PARVB: variants seen among roughly 807,000 people sequenced by gnomAD.
PARVB encodes beta-parvin.
In PARVB, 46 loss-of-function variants were observed where a neutral mutation model predicts 47.0. That is an observed-to-expected ratio of 0.98 (90% CI 0.77 to 1.25). The LOEUF is 1.25. PARVB is among the 50% of genes most tolerant of loss of function. The probability of loss-of-function intolerance (pLI) is 0.00; values close to 1 mark genes in which losing one functional copy is unlikely to be tolerated. For missense variants in PARVB, 473 were observed against 471.6 expected (o/e 1.00, Z -0.03); for synonymous variants, 196 against 196.3 (o/e 1.00, Z 0.01).
chr22:44,037,883 G>C (rs966192054), intron 1 of PARVB, among the ~76,000 whole-genome samples: 4 of 152,182 alleles, frequency 2.6e-5, no homozygotes, highest in Non-Finnish European at 5.9e-5. Context: ...AACCCTAGTG[G>C]CTTCATGCTA....
chr22:44,050,251 C>T (rs78253251), intron 1 of PARVB, among the ~76,000 whole-genome samples: 8,668 of 152,118 alleles, frequency 0.057, 842 homozygotes, highest in African/African-American at 0.2. Flanking sequence ...GATTGGCAAA[C>T]AGAATCCACA....
In PARVB at chr22:44,060,564, G is replaced by A. The variant is rs1033398012; in HGVS notation, c.113-33364G>A. 2.0e-5 allele frequency among the ~76,000 whole-genome samples: 3 copies of A among 152,050 alleles called. No individual in the cohort carries two copies. The South Asian group carries it at 6.2e-4, about 32-fold the overall frequency. ...GCTTAGGGTGAGTTATACCTGATGGGACTTAACTGGGTAAATGTCATCTAG... is the reference window on the plus strand; with the variant it reads ...GCTTAGGGTGAGTTATACCTGATGGAACTTAACTGGGTAAATGTCATCTAG... On this transcript the variant is annotated intron_variant, in intron 1 of 12. Transcript: ENST00000338758.
rs193250326 is a variant in PARVB at position 44,156,533 on chromosome 22, A to T, written c.844-1449A>T. ...ACCTTGTGATCCACCCACCTTGGCC[A>T]CCCAAAGTGCTAGGATTACAGGCGT... On this transcript the variant is annotated intron_variant, in intron 10 of 12. Transcript: ENST00000338758. 2.4e-3 allele frequency among the ~76,000 whole-genome samples: 365 copies of T among 152,052 alleles called. 1 individual carries two copies. Among genetic ancestry groups the T allele is most frequent in the African/African-American group, 8.2e-3 (342 of 41,504 alleles).
intron 1 of PARVB, among the ~76,000 whole-genome samples, chr22:44,065,871 G>GCA (rs1387857583): frequency 1.3e-5 from 2 of 152,016 alleles, no homozygotes; most frequent in African/African-American, 4.8e-5. Flanking sequence ...GTGTGTGTGT[G>GCA]TGTGTGTGTA....
chr22:44,087,562 A>T (rs929343401), intron 1 of PARVB, among the ~76,000 whole-genome samples: 1 of 152,206 alleles, frequency 6.6e-6, no homozygotes, highest in Non-Finnish European at 1.5e-5. Context: ...TCTCTCCGTT[A>T]AGGTAACCTT....
chr22:44,015,009 C>A (rs1184437945), intron 2 of PARVB, among the ~76,000 whole-genome samples: 1 of 152,056 alleles, frequency 6.6e-6, no homozygotes, highest in Non-Finnish European at 1.5e-5. Context: ...CGCCACCATG[C>A]CTGGCTAATT....
chr22:44,159,511 G>T lies in PARVB; in HGVS notation c.945+1428G>T, dbSNP rs142543639. 1.7e-4 allele frequency among the ~76,000 whole-genome samples: 26 copies of T among 152,270 alleles called. No individual in the cohort carries two copies. The South Asian group carries it at 2.9e-3, about 17-fold the overall frequency. On this transcript the variant is annotated intron_variant, in intron 11 of 12. Transcript: ENST00000338758. ...GCGAGGAAGGGAAGGCTATTTTCAGGTATAGCATGCAGCACACCATTCATC... is the reference window on the plus strand; with the variant it reads ...GCGAGGAAGGGAAGGCTATTTTCAGTTATAGCATGCAGCACACCATTCATC...
At chr22:44,157,735 C>A (rs762131900) in intron 10 of PARVB, among the ~76,000 whole-genome samples, 1 of 151,900 alleles carries the variant, frequency 6.6e-6, no homozygotes. Context: ...AAAAATTAGC[C>A]GGGCATGGTG....
intron 2 of PARVB, among the ~76,000 whole-genome samples, chr22:44,013,533 C>T (rs1334492734): frequency 3.9e-5 from 6 of 152,214 alleles, no homozygotes; most frequent in Non-Finnish European, 4.4e-5. Flanking sequence ...GAACAGAGGT[C>T]GCCTGCTCTT....
chr22:44,157,364 A>T (rs1479433380), intron 10 of PARVB, among the ~76,000 whole-genome samples: 1 of 152,156 alleles, frequency 6.6e-6, no homozygotes, highest in Non-Finnish European at 1.5e-5. Flanking sequence ...TGGGGTCAGG[A>T]GTGGGGGACA....
At chr22:44,062,432 G>A (rs2051437022) in intron 1 of PARVB, among the ~76,000 whole-genome samples, 2 of 152,180 alleles carry the variant, frequency 1.3e-5, no homozygotes, top group African/African-American at 4.8e-5. Flanking sequence ...GAGGTCAGGA[G>A]TTCGAGACCA....
intron 1 of PARVB, among the ~76,000 whole-genome samples, chr22:44,085,410 A>G (rs1025857657): frequency 6.6e-6 from 1 of 152,076 alleles, no homozygotes; most frequent in African/African-American, 2.4e-5. Context: ...CTCGGCTTCA[A>G]ACTTTCTTCC....
At chr22:44,014,713 A>G (rs1420632234) in intron 2 of PARVB, among the ~76,000 whole-genome samples, 1 of 152,200 alleles carries the variant, frequency 6.6e-6, no homozygotes. Flanking sequence ...AGGAAGGAGG[A>G]AAGTTTTTCC....
intron 11 of PARVB, among the ~76,000 whole-genome samples, chr22:44,160,910 C>T (rs1321310859): frequency 6.6e-6 from 1 of 152,184 alleles, no homozygotes; most frequent in Non-Finnish European, 1.5e-5. Flanking sequence ...TCATCCCCAG[C>T]CCCTCCTGAG....
chr22:44,082,513 C>T (rs546663682), intron 1 of PARVB, among the ~76,000 whole-genome samples: 3 of 151,970 alleles, frequency 2.0e-5, no homozygotes, highest in East Asian at 1.9e-4. Context: ...AGCAAGAGTC[C>T]GTCTCAAAAA....
chr22:44,095,505 TA>T (rs111367961), intron 2 of PARVB, among the ~76,000 whole-genome samples: 482 of 127,216 alleles, frequency 3.8e-3, no homozygotes, highest in Middle Eastern at 7.5e-3. Context: ...CATCTCAAAG[TA>T]AAAAAAAAAA....
intron 4 of PARVB, among the ~76,000 whole-genome samples, chr22:44,122,504 G>GAGAC (rs1413354472): frequency 0.015 from 1,347 of 92,372 alleles, 23 homozygotes; most frequent in African/African-American, 0.095. Flanking sequence ...GAGAGAGAGA[G>GAGAC]AGAGAGAGAG....
intron 1 of PARVB, among the ~76,000 whole-genome samples, chr22:44,088,471 A>G (rs1016649124): frequency 6.6e-6 from 1 of 151,974 alleles, no homozygotes; most frequent in Non-Finnish European, 1.5e-5. Context: ...ATTTATTATT[A>G]TTGTTATTAT....
At chr22:44,126,941 C>T (rs964690093) in intron 4 of PARVB, among the ~76,000 whole-genome samples, 2 of 152,140 alleles carry the variant, frequency 1.3e-5, no homozygotes, top group Non-Finnish European at 2.9e-5. Context: ...CATGCCAGTG[C>T]CTTCTATAGA....
Sources: allele counts gnomAD v4.1 joint callset (sites outside exome capture counted in the v4.1 genomes callset), GRCh38; gene constraint gnomAD v4.1.1; transcripts MANE v1.5; gene names NCBI Gene and HGNC (gene_info 2026-07-23, HGNC 2026-07-21).